FRMD4A: variants seen among roughly 807,000 people sequenced by gnomAD.
The protein encoded by FRMD4A is FERM domain containing 4A, also known as FERM domain-containing protein 4A.
Under a neutral mutation model 129.1 loss-of-function variants are expected in FRMD4A, and 29 were observed. The observed-to-expected ratio is 0.22, with a 90% CI of 0.17 to 0.31. The LOEUF (loss-of-function observed/expected upper bound fraction) is 0.31. FRMD4A is among the 10% of genes least tolerant of loss of function. The pLI is 1.00. For missense variants in FRMD4A, 1,272 were observed against 1,375.8 expected, an observed-to-expected ratio of 0.92 and a Z score of 1.19; for synonymous variants, 634 against 571.6, an observed-to-expected ratio of 1.11 and a Z score of -1.56.
chr10:14,112,642 C>A (rs547484580), intron 2 of FRMD4A, among the ~76,000 whole-genome samples: 1 of 152,312 alleles, frequency 6.6e-6, no homozygotes, highest in East Asian at 1.9e-4. Context: ...TCTCCTGCCT[C>A]AGCCTCCAGA....
At chr10:14,298,538 T>C (rs772246972) in intron 2 of FRMD4A, among the ~76,000 whole-genome samples, 1 of 152,230 alleles carries the variant, frequency 6.6e-6, no homozygotes, top group Non-Finnish European at 1.5e-5. Context: ...TGCTTCTGTG[T>C]GTTTTCTAGA....
intron 6 of FRMD4A, among the ~76,000 whole-genome samples, chr10:13,773,004 C>G (rs989918670): frequency 1.3e-5 from 2 of 152,170 alleles, no homozygotes; most frequent in African/African-American, 4.8e-5. Context: ...GTGGATACCC[C>G]ATTTGCCCTG....
intron 2 of FRMD4A, among the ~76,000 whole-genome samples, chr10:14,076,639 C>CAA (rs1241793326): frequency 0.012 from 1,636 of 134,604 alleles, 39 homozygotes; most frequent in African/African-American, 0.043. Context: ...GACTCCGTCT[C>CAA]AAAAAAAAAA....
chr10:13,890,785 C>T, intron 2 of FRMD4A: 2 of 985,386 alleles, frequency 2.0e-6, no homozygotes, highest in Non-Finnish European at 2.4e-6. Context: ...GCAAGCTGCA[C>T]TTCCCGGGGG....
chr10:14,004,860 C>G (rs1158139022), intron 2 of FRMD4A, among the ~76,000 whole-genome samples: 1 of 152,154 alleles, frequency 6.6e-6, no homozygotes, highest in Non-Finnish European at 1.5e-5. Flanking sequence ...GTCACCCCAC[C>G]CTGCTGCTTT....
At chr10:13,787,235 C>T (rs907223055) in intron 5 of FRMD4A, among the ~76,000 whole-genome samples, 11 of 152,192 alleles carry the variant, frequency 7.2e-5, no homozygotes, top group Admixed American at 1.3e-4. Context: ...CCGTGAGCTC[C>T]GGGCCTGTCA....
At chr10:14,120,313 C>A (rs1838434486) in intron 2 of FRMD4A, among the ~76,000 whole-genome samples, 1 of 151,972 alleles carries the variant, frequency 6.6e-6, no homozygotes. Context: ...TAGGTCTAAA[C>A]TCAGTTCAGT....
intron 2 of FRMD4A, among the ~76,000 whole-genome samples, chr10:14,136,363 C>T (rs1174033353): frequency 6.6e-6 from 1 of 152,146 alleles, no homozygotes; most frequent in Non-Finnish European, 1.5e-5. Context: ...ATGTTAACCC[C>T]AAAACAGTTC....
intron 2 of FRMD4A, among the ~76,000 whole-genome samples, chr10:14,249,385 G>T (rs10906637): frequency 0.38 from 56,875 of 150,958 alleles, 12,258 homozygotes; most frequent in Non-Finnish European, 0.47. Flanking sequence ...AATAGATATT[G>T]AAATAACTTT....
intron 2 of FRMD4A, among the ~76,000 whole-genome samples, chr10:14,238,020 C>A (rs542472962): frequency 6.6e-6 from 1 of 152,344 alleles, no homozygotes; most frequent in South Asian, 2.1e-4. Flanking sequence ...CCTCTCTGCT[C>A]AGTGTCTCTG....
intron 3 of FRMD4A, among the ~76,000 whole-genome samples, chr10:13,832,693 C>G (rs930658359): frequency 6.6e-6 from 1 of 152,172 alleles, no homozygotes; most frequent in South Asian, 2.1e-4. Context: ...CCAAGCACAC[C>G]CCTAGGGGAC....
intron 2 of FRMD4A, among the ~76,000 whole-genome samples, chr10:13,975,063 GTGTA>G (rs1359268719): frequency 6.6e-6 from 1 of 151,864 alleles, no homozygotes; most frequent in African/African-American, 2.4e-5. Context: ...GAGTCTGTGT[GTGTA>G]TGTGTGTCCA....
intron 13 of FRMD4A, among the ~76,000 whole-genome samples, chr10:13,703,153 G>A (rs1028078096): frequency 3.3e-5 from 5 of 152,078 alleles, no homozygotes; most frequent in African/African-American, 4.8e-5. Context: ...TTGAAAGGTG[G>A]TGCAAGGCTA....
chr10:14,295,774 T>G (rs1334899650), intron 2 of FRMD4A, among the ~76,000 whole-genome samples: 1 of 152,174 alleles, frequency 6.6e-6, no homozygotes, highest in African/African-American at 2.4e-5. Context: ...CTTAAAGATA[T>G]GTACTACTTA....
At chr10:13,673,351 G>A (rs2083675034) in intron 16 of FRMD4A, among the ~76,000 whole-genome samples, 1 of 152,194 alleles carries the variant, frequency 6.6e-6, no homozygotes, top group African/African-American at 2.4e-5. Context: ...GAAATGTAAT[G>A]TGATCTCACT....
At chr10:14,029,561 T>C (rs1353908732) in intron 2 of FRMD4A, among the ~76,000 whole-genome samples, 2 of 152,190 alleles carry the variant, frequency 1.3e-5, no homozygotes, top group African/African-American at 2.4e-5. Flanking sequence ...CTGTCTAACC[T>C]AGAGCAGTGG....
chr10:14,179,066 G>A (rs773716290), intron 2 of FRMD4A, among the ~76,000 whole-genome samples: 2 of 152,144 alleles, frequency 1.3e-5, no homozygotes, highest in South Asian at 2.1e-4. Flanking sequence ...ACTTGTAAAC[G>A]TCACAAAGGC....
chr10:13,720,572 G>T (rs1944985319), intron 12 of FRMD4A, among the ~76,000 whole-genome samples: 1 of 152,170 alleles, frequency 6.6e-6, no homozygotes, highest in Admixed American at 6.5e-5. Context: ...GGAGAGGTGG[G>T]CAAATAAATA....
chr10:14,298,061 G>A (rs901816548), intron 2 of FRMD4A, among the ~76,000 whole-genome samples: 3 of 152,082 alleles, frequency 2.0e-5, no homozygotes, highest in African/African-American at 7.2e-5. Context: ...AAGTTTTATT[G>A]GAACATAGCC....
Sources: allele counts gnomAD v4.1 joint callset (sites outside exome capture counted in the v4.1 genomes callset), GRCh38; gene constraint gnomAD v4.1.1; transcripts MANE v1.5; gene names NCBI Gene and HGNC (gene_info 2026-07-23, HGNC 2026-07-21).